Variants in MAP3K6 observed in about 807,000 individuals in gnomAD.
MAP3K6 encodes mitogen-activated protein kinase kinase kinase 6.
MAP3K6 carries 105 observed loss-of-function variants against 147.1 expected under a neutral mutation model. The ratio of observed to expected loss-of-function variants is 0.71; its 90% CI spans 0.61 to 0.84. MAP3K6 has a LOEUF of 0.84. MAP3K6 is among the 40% of genes least tolerant of loss of function. MAP3K6 has a pLI of 0.00. For missense variants in MAP3K6, 1,569 were observed against 1,715.0 expected (o/e 0.91, Z 1.50); for synonymous variants, 695 against 732.4 (o/e 0.95, Z 0.82).
chr1:27,362,031 G>C, intron 9 of MAP3K6, 60 bp downstream of exon 9: 1 of 1,560,330 alleles, frequency 6.4e-7, no homozygotes, highest in East Asian at 2.3e-5. Context: ...CATGCCAATG[G>C]ACATAGGTGC....
rs1266266073 is a variant in MAP3K6, at chr1:27,362,198, C to T, written c.1308G>A (p.Gln436=). Reference sequence around the variant, plus strand: ...GGTAGAAACCCACATCCCAGTAATACTGCATCTTCTCCACGCAGCCTTTGC... The same window carrying T: ...GGTAGAAACCCACATCCCAGTAATATTGCATCTTCTCCACGCAGCCTTTGC... The part of the protein sequence containing the change: ...LARKGCVEKM[Q]YYWDVGFYLG... Residue 436 remains glutamine (Q), a synonymous_variant, in exon 9 of 29, where the codon CAG becomes CAA. Coordinates refer to ENST00000357582, the MANE Select transcript of MAP3K6 (RefSeq NM_004672.5). The T allele has an allele frequency of 2.5e-6, 4 of 1,613,576 alleles. No homozygotes were observed. The highest frequency in any genetic ancestry group is 2.5e-6 in the Non-Finnish European group (3 of 1,179,972).
chr1:27,357,881 G>A lies in MAP3K6; in HGVS notation c.2916-5C>T, dbSNP rs1265240973. The A allele has an allele frequency of 6.3e-7, 1 of 1,582,028 alleles. No homozygotes were observed. The highest frequency in any genetic ancestry group is 8.5e-7 in the Non-Finnish European group (1 of 1,169,922). ...GCCGCAGGCTCCTCGGGCACCCTGG[G>A]CACAAGGGCGAGCTGCTGATTGAGG... is the stretch of plus-strand genomic sequence containing the variant. On this transcript the variant is annotated splice_polypyrimidine_tract_variant and splice_region_variant and intron_variant, in intron 21 of 28. Coordinates refer to ENST00000357582, the MANE Select transcript of MAP3K6 (RefSeq NM_004672.5).
At chr1:27,361,650 G>T in intron 10 of MAP3K6, 23 bp from the exon 11 acceptor site, 3 of 1,614,108 alleles carry the variant, frequency 1.9e-6, no homozygotes, top group Non-Finnish European at 2.5e-6. Context: ...GGGGAGTGGG[G>T]TCAGTCAGAA....
Position 27,358,553 on chromosome 1 carries a change from G to T in MAP3K6, c.2642C>A (p.Ala881Asp), listed in dbSNP as rs1358430672. 1 of 1,613,348 alleles carries T rather than the reference G, an allele frequency of 6.2e-7. No homozygotes were observed. Among genetic ancestry groups the T allele is most frequent in the East Asian group, 2.2e-5 (1 of 44,886 alleles). Residue 881 changes from alanine to aspartate, a missense_variant, in exon 20 of 29, where the codon GCC (alanine) becomes GAC (aspartate). By Grantham distance (126) the Ala-to-Asp change is moderately radical. Transcript: ENST00000357582. The surrounding 1 kb of genome is among the most constrained non-coding windows in gnomAD (Gnocchi z 6.2). Reference sequence around the variant, plus strand: ...TGGCTCAAAAGTTCGGAGGAGAAAGGCTTGGGCCTCGGCCGACAGAGAGCT... The same window carrying T: ...TGGCTCAAAAGTTCGGAGGAGAAAGTCTTGGGCCTCGGCCGACAGAGAGCT... The part of the protein sequence containing the change: ...MPSSLSAEAQ[A>D]FLLRTFEPDP...
intron 5 of MAP3K6, 126 bp downstream of exon 5, chr1:27,363,791 A>G (rs1168676658): frequency 4.3e-5 from 42 of 984,656 alleles, no homozygotes; most frequent in Non-Finnish European, 6.1e-5. Context: ...AAGGAGGCCA[A>G]CACTCAGAGA....
At chr1:27,355,494 C>T (rs1211255159) in intron 28 of MAP3K6, 25 bp from the exon 29 acceptor site, 1 of 1,612,956 alleles carries the variant, frequency 6.2e-7, no homozygotes, top group South Asian at 1.1e-5. Context: ...CTCAGTGTGG[C>T]TCAGCCAGAA....
chr1:27,360,141 C>T lies in MAP3K6; in HGVS notation c.2182+100G>A. The T allele has an allele frequency of 1.3e-6, 2 of 1,575,618 alleles. No individual in the cohort carries two copies. Among genetic ancestry groups the T allele is most frequent in the Non-Finnish European group, 1.7e-6 (2 of 1,155,634 alleles). On this transcript the variant is annotated intron_variant, in intron 16 of 28. Transcript: ENST00000357582. The surrounding 1 kb of genome is among the most constrained non-coding windows in gnomAD (Gnocchi z 4.5). Reference sequence around the variant, plus strand: ...CTAATTCTAGGCTACACCACCCACACGCACTAGGGTGCATTTCCCCCTAGG... The same window carrying T: ...CTAATTCTAGGCTACACCACCCACATGCACTAGGGTGCATTTCCCCCTAGG...
Position 27,364,942 on chromosome 1 carries a change from C to T in MAP3K6, c.341-30G>A, listed in dbSNP as rs2015924338. 1 of 1,546,526 alleles carries T rather than the reference C, an allele frequency of 6.5e-7. No homozygotes were observed. The highest frequency in any genetic ancestry group is 2.3e-5 in the East Asian group (1 of 44,124). ...AGGCACAGAGGGGGTGGCGCTGATC[C>T]CTGAAGCCCAGCTTGATGGGGAAGG... On this transcript the variant is annotated intron_variant, in intron 1 of 28. Coordinates refer to ENST00000357582, the MANE Select transcript of MAP3K6 (RefSeq NM_004672.5). This position sits in a 1 kb window ranked among gnomAD's most constrained non-coding sequence, Gnocchi z 4.4.
intron 6 of MAP3K6, 67 bp from the exon 7 acceptor site, chr1:27,363,088 C>A: frequency 6.9e-7 from 1 of 1,450,260 alleles, no homozygotes; most frequent in Non-Finnish European, 9.3e-7. Flanking sequence ...GACCTCTAGA[C>A]ACTGAACCAG....
intron 24 of MAP3K6, 111 bp from the exon 25 acceptor site, chr1:27,356,860 C>G (rs764649221): frequency 1.4e-6 from 2 of 1,446,048 alleles, no homozygotes; most frequent in African/African-American, 1.4e-5. Context: ...CAGGCGGTGC[C>G]GGTATGGGAG....
Position 27,360,102 on chromosome 1 carries a change from G to A in MAP3K6, c.2183-108C>T. The A allele has an allele frequency of 1.9e-6, 3 of 1,578,872 alleles. No individual in the cohort carries two copies. The highest frequency in any genetic ancestry group is 8.6e-7 in the Non-Finnish European group (1 of 1,157,364). On this transcript the variant is annotated intron_variant, in intron 16 of 28. Coordinates refer to ENST00000357582, the MANE Select transcript of MAP3K6 (RefSeq NM_004672.5). This position sits in a 1 kb window ranked among gnomAD's most constrained non-coding sequence, Gnocchi z 4.5. ...TGTTGTAGCCCAACTCCATCACCCAGCGCCACTCCTCAGCTAATTCTAGGC... is the reference window on the plus strand; with the variant it reads ...TGTTGTAGCCCAACTCCATCACCCAACGCCACTCCTCAGCTAATTCTAGGC...
chr1:27,363,562 C>A lies in MAP3K6; in HGVS notation c.865-14G>T. The A allele has an allele frequency of 6.3e-7, 1 of 1,592,602 alleles. No homozygotes were observed. Among genetic ancestry groups the A allele is most frequent in the South Asian group, 1.1e-5 (1 of 88,802 alleles). On this transcript the variant is annotated splice_polypyrimidine_tract_variant and intron_variant, in intron 5 of 28. Coordinates refer to ENST00000357582, the MANE Select transcript of MAP3K6 (RefSeq NM_004672.5). ...GGCCGAGTAGTCCTGCATCAGGGAA[C>A]GGCAAGCACTGGCATCATGGGCCTC... is the stretch of plus-strand genomic sequence containing the variant.
intron 24 of MAP3K6, 68 bp from the exon 25 acceptor site, chr1:27,356,817 G>T: frequency 6.6e-7 from 1 of 1,509,044 alleles, no homozygotes; most frequent in South Asian, 1.3e-5. Flanking sequence ...ACCCCAAAGT[G>T]CGGGGGTAGG....
At chr1:27,365,456 G>T (rs2015942283) in intron 1 of MAP3K6, among the ~76,000 whole-genome samples, 1 of 152,154 alleles carries the variant, frequency 6.6e-6, no homozygotes, top group Non-Finnish European at 1.5e-5. Context: ...CTTTGTGTCC[G>T]AGTGGTCGGG....
chr1:27,356,305 G>A, intron 26 of MAP3K6, 83 bp downstream of exon 26: 1 of 1,340,780 alleles, frequency 7.5e-7, no homozygotes, highest in Non-Finnish European at 1.0e-6. Context: ...ATGAGCCCAA[G>A]TCAGGTGATG....
In MAP3K6 at chr1:27,357,886, A is replaced by G; in HGVS notation, c.2916-10T>C. On this transcript the variant is annotated splice_polypyrimidine_tract_variant and intron_variant, in intron 21 of 28. Transcript: ENST00000357582. The stretch of plus-strand genomic sequence containing the variant: ...AGGCTCCTCGGGCACCCTGGGCACA[A>G]GGGCGAGCTGCTGATTGAGGACGGG... The G allele has an allele frequency of 6.3e-7, 1 of 1,578,498 alleles. No individual in the cohort carries two copies. The highest frequency in any genetic ancestry group is 8.6e-7 in the Non-Finnish European group (1 of 1,168,256).
chr1:27,360,177 C>G lies in MAP3K6; in HGVS notation c.2182+64G>C. The G allele has an allele frequency of 6.2e-7, 1 of 1,601,504 alleles. No homozygotes were observed. Among genetic ancestry groups the G allele is most frequent in the Non-Finnish European group, 8.5e-7 (1 of 1,172,268 alleles). On this transcript the variant is annotated intron_variant, in intron 16 of 28. Coordinates refer to ENST00000357582, the MANE Select transcript of MAP3K6 (RefSeq NM_004672.5). This position sits in a 1 kb window ranked among gnomAD's most constrained non-coding sequence, Gnocchi z 4.5. ...GCATTTCCCCCTAGGGCTCTCTACCCCTGCCTGCCTCGGTCCCATGCTTCA... is the reference window on the plus strand; with the variant it reads ...GCATTTCCCCCTAGGGCTCTCTACCGCTGCCTGCCTCGGTCCCATGCTTCA...
chr1:27,362,566 C>T, intron 8 of MAP3K6, 75 bp downstream of exon 8: 1 of 1,161,528 alleles, frequency 8.6e-7, no homozygotes, highest in Non-Finnish European at 1.2e-6. Context: ...GCCCAGTGTG[C>T]TCTCTCCCTG....
chr1:27,356,472 GTTCC>G lies in MAP3K6; in HGVS notation c.3549_3552del (p.Lys1183AsnfsTer15). 2 of 1,613,952 alleles carry G rather than the reference GTTCC, an allele frequency of 1.2e-6. No individual in the cohort carries two copies. The highest frequency in any genetic ancestry group is 1.7e-6 in the Non-Finnish European group (2 of 1,179,986). ...CGCTGCACCAGGGCCTGGTACTCCC[GTTCC>G]TTCCCCGCCAGGATTTCGCGCAGCC... On this transcript the variant is annotated frameshift_variant, in exon 26 of 29. Coordinates refer to ENST00000357582, the MANE Select transcript of MAP3K6 (RefSeq NM_004672.5). LOFTEE classifies it high-confidence loss of function.
Sources: allele counts gnomAD v4.1 joint callset (sites outside exome capture counted in the v4.1 genomes callset), GRCh38; gene constraint gnomAD v4.1.1; non-coding constraint Gnocchi (gnomAD v3.1); transcripts MANE v1.5; gene names NCBI Gene and HGNC (gene_info 2026-07-23, HGNC 2026-07-21).